ODAD4: variants seen among roughly 807,000 people sequenced by gnomAD.
ODAD4 encodes the protein outer dynein arm-docking complex subunit 4.
In ODAD4, 49 loss-of-function variants were observed where a neutral mutation model predicts 51.8. That is an observed-to-expected ratio of 0.95 (90% CI 0.75 to 1.20). The LOEUF (loss-of-function observed/expected upper bound fraction) is 1.20, where lower values mean the gene tolerates loss of function less well. ODAD4 is among the 50% of genes most tolerant of loss of function. ODAD4 has a pLI of 0.00. For missense variants in ODAD4, 590 were observed against 586.5 expected, an observed-to-expected ratio of 1.01 and a Z score of -0.06; for synonymous variants, 235 against 221.3, an observed-to-expected ratio of 1.06 and a Z score of -0.55.
At chr17:41,960,447 CAAAA>C (rs11343868) in intron 10 of ODAD4, among the ~76,000 whole-genome samples, 1 of 151,078 alleles carries the variant, frequency 6.6e-6, no homozygotes, top group African/African-American at 2.4e-5. Context: ...GACTCTGTCT[CAAAA>C]AAAAAAACAA....
chr17:41,961,338 G>GT, intron 10 of ODAD4, 44 bp from the exon 11 acceptor site: 1 of 719,790 alleles, frequency 1.4e-6, no homozygotes, highest in Non-Finnish European at 2.6e-6. Flanking sequence ...AATTAATGGT[G>GT]TAGGTGCCAA....
intron 11 of ODAD4, among the ~76,000 whole-genome samples, chr17:41,962,669 G>C (rs2050821694): frequency 6.6e-6 from 1 of 152,224 alleles, no homozygotes; most frequent in African/African-American, 2.4e-5. Flanking sequence ...AGGCTACAGT[G>C]GTTTTCAGTC....
chr17:41,945,149 G>A lies in ODAD4; in HGVS notation c.1072G>A (p.Ala358Thr), dbSNP rs545314432. Residue 358 changes from alanine to threonine, a missense_variant, in exon 8 of 12, where the codon GCA (alanine) becomes ACA (threonine). By Grantham distance (58) the Ala-to-Thr change is moderately conservative. This residue lies in a region of ODAD4 where 226 missense variants were observed against 162.7 expected (regional missense o/e 1.39). Coordinates refer to ENST00000377540, the MANE Select transcript of ODAD4 (RefSeq NM_031421.5). The stretch of plus-strand genomic sequence containing the variant: ...TCTTCCCCACAGTGACCTTCCTGAT[G>A]CAAAATCGAGAGCCCTTGACAACAT... ...EIAKEYDLPD[A>T]KSRALDNIGR... 5 of 1,613,122 alleles carry A rather than the reference G, an allele frequency of 3.1e-6. No individual in the cohort carries two copies. The East Asian group carries it at 1.1e-4, about 36-fold the overall frequency.
At position 41,930,842 on chromosome 17, in the gene ODAD4, G is replaced by T; in HGVS notation, c.114+5G>T. 7.4e-7 allele frequency: 1 copy of T among 1,353,042 alleles called. No homozygotes were observed. 83.8% of individuals were successfully genotyped at this position (1,353,042 alleles called of 1,614,324 possible). ...GCCGCGCAGAGCTTCAGCAACGTGA[G>T]TCGAGCTCTCAACCTATCCATCACC... On this transcript the variant is annotated splice_donor_5th_base_variant and intron_variant, in intron 1 of 11. Coordinates refer to ENST00000377540, the MANE Select transcript of ODAD4 (RefSeq NM_031421.5).
In ODAD4 at chr17:41,938,604, A is replaced by T. The variant is rs782660216; in HGVS notation, c.673A>T (p.Ile225Phe). The T allele has an allele frequency of 1.2e-6, 2 of 1,613,984 alleles. No individual in the cohort carries two copies. Among genetic ancestry groups the T allele is most frequent in the East Asian group, 4.5e-5 (2 of 44,876 alleles). The part of the protein sequence containing the change: ...MKGGLTVEDL[I>F]MTGINYLDTH... The stretch of plus-strand genomic sequence containing the variant: ...GGGCGGCCTGACTGTGGAGGACCTC[A>T]TCATGACGGGCATCAACTACCTGGA... The change falls in exon 6 of 12, where the codon ATC (isoleucine) becomes TTC (phenylalanine). Residue 225 changes from isoleucine to phenylalanine, a missense_variant. Physicochemically the swap from Ile to Phe is conservative, Grantham distance 21. This residue lies in a region of ODAD4 where 360 missense variants were observed against 407.5 expected (regional missense o/e 0.88). Coordinates refer to ENST00000377540, the MANE Select transcript of ODAD4 (RefSeq NM_031421.5).
rs782193662 is a variant in ODAD4 at position 41,935,273 on chromosome 17, C to T, written c.171C>T (p.Phe57=). 3.3e-5 allele frequency: 53 copies of T among 1,613,992 alleles called. No individual in the cohort carries two copies. The South Asian group carries it at 5.2e-4, about 16-fold the overall frequency. Residue 57 remains phenylalanine, a synonymous_variant, in exon 2 of 12, where the codon TTC becomes TTT. Coordinates refer to ENST00000377540, the MANE Select transcript of ODAD4 (RefSeq NM_031421.5). ...KNCLVARSKC[F]LKMGDLERSL... ...GCCTGGTTGCTCGCTCAAAGTGCTT[C>T]CTGAAGATGGGAGACTTGGAGAGAT...
intron 7 of ODAD4, among the ~76,000 whole-genome samples, chr17:41,939,919 G>C (rs1039358940): frequency 6.6e-6 from 1 of 152,172 alleles, no homozygotes; most frequent in African/African-American, 2.4e-5. Context: ...CCTCCTGTTA[G>C]CTGGGCACCC....
intron 10 of ODAD4, among the ~76,000 whole-genome samples, chr17:41,959,631 C>A (rs546187372): frequency 6.6e-6 from 1 of 152,200 alleles, no homozygotes; most frequent in African/African-American, 2.4e-5. Context: ...GGGAGGTCGG[C>A]GCTGAGGGCT....
chr17:41,962,952 G>T (rs2050825064), intron 11 of ODAD4, among the ~76,000 whole-genome samples: 5 of 152,212 alleles, frequency 3.3e-5, no homozygotes, highest in Admixed American at 3.3e-4. Flanking sequence ...TTATTATCCA[G>T]CACCTGCTCT....
chr17:41,964,022 G>A (rs1336746075), intron 11 of ODAD4, among the ~76,000 whole-genome samples: 10 of 149,942 alleles, frequency 6.7e-5, no homozygotes, highest in African/African-American at 2.0e-4. Flanking sequence ...TCAGCCTCCT[G>A]AGTAGCTGGG....
chr17:41,954,757 G>A (rs1555640745), intron 9 of ODAD4, among the ~76,000 whole-genome samples: 2 of 151,564 alleles, frequency 1.3e-5, no homozygotes, highest in East Asian at 1.9e-4. Flanking sequence ...GGCTGAGGCA[G>A]GAGAATCGCT....
chr17:41,960,324 C>CA (rs2050787760), intron 10 of ODAD4, among the ~76,000 whole-genome samples: 1 of 151,574 alleles, frequency 6.6e-6, no homozygotes, highest in African/African-American at 2.4e-5. Context: ...AACAAACAAA[C>CA]AAAAAAACAG....
chr17:41,945,342 A>C, intron 8 of ODAD4, 120 bp downstream of exon 8: 2 of 553,510 alleles, frequency 3.6e-6, no homozygotes, highest in Non-Finnish European at 5.9e-6. Flanking sequence ...CTCCCTCTCT[A>C]CAAAAAAAAA....
rs1555638386 is a variant in ODAD4 at position 41,939,184 on chromosome 17, A to G, written c.1058+12A>G. 6.8e-6 allele frequency: 11 copies of G among 1,610,024 alleles called. No individual in the cohort carries two copies. Among genetic ancestry groups the G allele is most frequent in the Non-Finnish European group, 9.3e-6 (11 of 1,178,014 alleles). On this transcript the variant is annotated intron_variant, in intron 7 of 11. Transcript: ENST00000377540. ...ATCGCCAAGGAATAGTGAGTGCCCT[A>G]GGGGAGGCCACTGGCGTGAGCCTAC...
intron 8 of ODAD4, 145 bp from the exon 9 acceptor site, chr17:41,949,008 G>A (rs1022000396): frequency 2.5e-5 from 10 of 395,450 alleles, no homozygotes; most frequent in South Asian, 2.9e-4. Context: ...ATATCTTTAT[G>A]CTTATGAACT....
intron 5 of ODAD4, 112 bp downstream of exon 5, chr17:41,937,039 G>A (rs1243830253): frequency 7.7e-7 from 1 of 1,294,890 alleles, no homozygotes; most frequent in Non-Finnish European, 1.1e-6. Context: ...ACGTGTACCT[G>A]TGGACAGGTT....
chr17:41,955,638 A>G (rs561046368), intron 10 of ODAD4, among the ~76,000 whole-genome samples: 4 of 151,900 alleles, frequency 2.6e-5, no homozygotes, highest in Non-Finnish European at 5.9e-5. Flanking sequence ...GTTAGCCAGG[A>G]TGGTCTCGAT....
chr17:41,950,568 A>G (rs1376076761), intron 9 of ODAD4, among the ~76,000 whole-genome samples: 2 of 150,554 alleles, frequency 1.3e-5, no homozygotes, highest in African/African-American at 4.9e-5. Flanking sequence ...ATTTTTAGAG[A>G]TGCAGTTTCA....
At chr17:41,949,648 C>T (rs2050628576) in intron 9 of ODAD4, among the ~76,000 whole-genome samples, 1 of 152,116 alleles carries the variant, frequency 6.6e-6, no homozygotes, top group Non-Finnish European at 1.5e-5. Flanking sequence ...CACTTTCCTT[C>T]TGCCTTGGTA....
Sources: allele counts gnomAD v4.1 joint callset (sites outside exome capture counted in the v4.1 genomes callset), GRCh38; gene constraint gnomAD v4.1.1; regional missense constraint gnomAD v4.1.1; transcripts MANE v1.5; gene names NCBI Gene and HGNC (gene_info 2026-07-23, HGNC 2026-07-21).